KSR1: variants seen among roughly 807,000 people sequenced by gnomAD.
KSR1 encodes kinase suppressor of ras 1, also known as kinase suppressor of ras.
In KSR1, 35 loss-of-function variants were observed where a neutral mutation model predicts 92.9. That is an observed-to-expected ratio of 0.38 (90% CI 0.29 to 0.50). The LOEUF (loss-of-function observed/expected upper bound fraction) is 0.50. KSR1 is among the 20% of genes least tolerant of loss of function. KSR1 has a pLI of 0.94. For synonymous variants in KSR1, 467 were observed against 472.6 expected, an observed-to-expected ratio of 0.99 and a Z score of 0.15; for missense variants, 972 against 1,158.5, an observed-to-expected ratio of 0.84 and a Z score of 2.34.
Position 27,549,551 on chromosome 17 carries a change from C to T in KSR1, c.232-1017C>T, listed in dbSNP as rs1272994325. Among the ~76,000 whole-genome samples, 5 of 152,348 alleles carry T rather than the reference C, an allele frequency of 3.3e-5. No homozygotes were observed. The South Asian group carries it at 6.2e-4, about 19-fold the overall frequency. On this transcript the variant is annotated intron_variant, in intron 1 of 20. Coordinates refer to ENST00000644974, the MANE Select transcript of KSR1 (RefSeq NM_001394583.1). ...CCAAGTCAGGCTGTCCTTGTGTAAG[C>T]TTTTCTTATTTGAAGTTTTAGCCAT...
At chr17:27,607,439 C>T (rs1018671924) in intron 14 of KSR1, among the ~76,000 whole-genome samples, 6 of 152,132 alleles carry the variant, frequency 3.9e-5, no homozygotes, top group African/African-American at 1.2e-4. Flanking sequence ...ACCCCACCCC[C>T]TTTCCCTCCT....
Position 27,625,140 on chromosome 17 carries a change from GA to G in KSR1, c.*1749del, listed in dbSNP as rs1368852867. 6.6e-6 allele frequency: 1 copy of G among 152,302 alleles called. No homozygotes were observed. Among genetic ancestry groups the G allele is most frequent in the African/African-American group, 2.4e-5 (1 of 41,436 alleles). 9.4% of individuals were successfully genotyped at this position (152,302 alleles called of 1,614,324 possible). A position where few individuals can be genotyped will look rare whatever the true frequency, so the allele number is the denominator to read the frequency against. On this transcript the variant is annotated 3_prime_UTR_variant, in exon 21 of 21. Transcript: ENST00000644974. Reference sequence around the variant, plus strand: ...TCCCACACACCTGCCCCTTCCCAGGGATCACGTGTGTCTCCAGCCTTTCACC... The same window carrying G: ...TCCCACACACCTGCCCCTTCCCAGGGTCACGTGTGTCTCCAGCCTTTCACC...
At chr17:27,584,062 T>C (rs374933770) in intron 4 of KSR1, 2 of 811,962 alleles carry the variant, frequency 2.5e-6, no homozygotes, top group South Asian at 1.1e-4. Context: ...TCTTTTTTGT[T>C]ACAAAGATTG....
chr17:27,621,938 CT>C, intron 20 of KSR1: 7 of 1,613,746 alleles, frequency 4.3e-6, no homozygotes, highest in Non-Finnish European at 5.9e-6. Context: ...GGTTGTAGGC[CT>C]GGCTGCCTTG....
intron 2 of KSR1, among the ~76,000 whole-genome samples, chr17:27,569,877 G>C (rs2072238116): frequency 6.6e-6 from 1 of 152,190 alleles, no homozygotes; most frequent in African/African-American, 2.4e-5. Flanking sequence ...AGGAGGAATG[G>C]GGCCTTTCCA....
chr17:27,509,253 G>A lies in KSR1; in HGVS notation c.232-41315G>A, dbSNP rs376937716. On this transcript the variant is annotated intron_variant, in intron 1 of 20. Transcript: ENST00000644974. The stretch of plus-strand genomic sequence containing the variant: ...AGTCTGGGTGCAGTGGCTCATGCCT[G>A]TAATCCTAGCACTTTGGGAGGCTGA... 1.6e-3 allele frequency among the ~76,000 whole-genome samples: 250 copies of A among 152,076 alleles called. 1 individual carries two copies. The highest frequency in any genetic ancestry group is 6.8e-3 in the Middle Eastern group (2 of 294).
At chr17:27,531,364 A>G (rs943696923) in intron 1 of KSR1, among the ~76,000 whole-genome samples, 1 of 152,232 alleles carries the variant, frequency 6.6e-6, no homozygotes, top group African/African-American at 2.4e-5. Context: ...GGTGCAGGTG[A>G]CGGGGAGGCC....
chr17:27,528,031 C>T (rs1031219027), intron 1 of KSR1, among the ~76,000 whole-genome samples: 4 of 152,038 alleles, frequency 2.6e-5, no homozygotes, highest in African/African-American at 4.8e-5. Flanking sequence ...ATTAGTGTAT[C>T]GAGTAGGTAT....
intron 7 of KSR1, 42 bp downstream of exon 7, chr17:27,590,936 T>C (rs1177848488): frequency 2.0e-6 from 3 of 1,529,390 alleles, no homozygotes; most frequent in Non-Finnish European, 1.8e-6. Context: ...CAGACACTTT[T>C]AGTTCAGTAA....
intron 1 of KSR1, among the ~76,000 whole-genome samples, chr17:27,529,031 T>C (rs1052082193): frequency 4.6e-5 from 7 of 152,218 alleles, no homozygotes; most frequent in African/African-American, 1.7e-4. Flanking sequence ...ATTATAAAAA[T>C]GACACCCGTT....
rs2073197428 is a variant in KSR1, at chr17:27,592,439, CCT to C, written c.1192+21_1192+22del. ...TCCTGCCACGTGAGTTTTCTGCCTT[CCT>C]CTCCTCTGCCTTCTGGATTTGGGTG... On this transcript the variant is annotated intron_variant, in intron 8 of 20. Coordinates refer to ENST00000644974, the MANE Select transcript of KSR1 (RefSeq NM_001394583.1). 3.1e-6 allele frequency: 5 copies of C among 1,613,692 alleles called. No individual in the cohort carries two copies. Among genetic ancestry groups the C allele is most frequent in the Non-Finnish European group, 4.2e-6 (5 of 1,179,652 alleles).
chr17:27,584,594 G>A (rs2072899413), intron 4 of KSR1, among the ~76,000 whole-genome samples: 1 of 152,178 alleles, frequency 6.6e-6, no homozygotes, highest in African/African-American at 2.4e-5. Flanking sequence ...GGAAAGCTGT[G>A]GTCTCATTCC....
At chr17:27,496,792 G>T (rs1211293897) in intron 1 of KSR1, among the ~76,000 whole-genome samples, 1 of 152,232 alleles carries the variant, frequency 6.6e-6, no homozygotes, top group Admixed American at 6.5e-5. Context: ...AGCTTTTCAG[G>T]CCGAGTGAAG....
intron 1 of KSR1, chr17:27,465,615 G>A (rs1253964996): frequency 6.6e-6 from 1 of 152,186 alleles, no homozygotes; most frequent in Non-Finnish European, 1.5e-5. Flanking sequence ...GACTATGCCA[G>A]CTATGATTGG....
chr17:27,476,478 A>G (rs1323853869), intron 1 of KSR1, among the ~76,000 whole-genome samples: 1 of 152,154 alleles, frequency 6.6e-6, no homozygotes, highest in Non-Finnish European at 1.5e-5. Flanking sequence ...CCATCTTCTC[A>G]GGGAGCGCCC....
chr17:27,468,804 C>T (rs547119573), intron 1 of KSR1, among the ~76,000 whole-genome samples: 2 of 152,264 alleles, frequency 1.3e-5, no homozygotes, highest in South Asian at 2.1e-4. Flanking sequence ...TCCCCCGCCG[C>T]ACCTGAAACC....
Position 27,511,851 on chromosome 17 carries a change from G to A in KSR1, c.232-38717G>A, listed in dbSNP as rs148505813. On this transcript the variant is annotated intron_variant, in intron 1 of 20. Transcript: ENST00000644974. ...CAGGTTTGTTTGCTTCCTGCCACAC[G>A]TGGCAATTCTTAAAACTAGTTTTTG... Among the ~76,000 whole-genome samples the A allele has an allele frequency of 2.5e-3, 376 of 152,354 alleles. 4 individuals are homozygous for A. The highest frequency in any genetic ancestry group is 0.021 in the Admixed American group (319 of 15,306).
At chr17:27,520,244 A>C (rs536510777) in intron 1 of KSR1, among the ~76,000 whole-genome samples, 1 of 152,328 alleles carries the variant, frequency 6.6e-6, no homozygotes, top group East Asian at 1.9e-4. Context: ...TGCCATGAGA[A>C]AATTTCCATT....
intron 1 of KSR1, among the ~76,000 whole-genome samples, chr17:27,504,765 C>T (rs1323277526): frequency 6.6e-6 from 1 of 152,162 alleles, no homozygotes; most frequent in African/African-American, 2.4e-5. Flanking sequence ...TGCTCCTTTG[C>T]AGGAAGTGCA....
Sources: allele counts gnomAD v4.1 joint callset (sites outside exome capture counted in the v4.1 genomes callset), GRCh38; gene constraint gnomAD v4.1.1; transcripts MANE v1.5; gene names NCBI Gene and HGNC (gene_info 2026-07-23, HGNC 2026-07-21).